JAZF1: variants seen among roughly 807,000 people sequenced by gnomAD.
JAZF1 encodes juxtaposed with another zinc finger protein 1.
A neutral mutation model predicts 26.4 loss-of-function variants in JAZF1; 8 were observed. The ratio of observed to expected loss-of-function variants is 0.30; its 90% CI spans 0.18 to 0.55. JAZF1 has a LOEUF of 0.55. Among genes scored for constraint, JAZF1 ranks in the 20% least tolerant of loss-of-function variants. The probability of loss-of-function intolerance (pLI) is 0.94; values close to 1 mark genes in which losing one functional copy is unlikely to be tolerated. For missense variants in JAZF1, 199 were observed against 322.0 expected (o/e 0.62, Z 2.92); for synonymous variants, 126 against 122.3 (o/e 1.03, Z -0.20).
chr7:28,085,915 C>T (rs1784205759), intron 1 of JAZF1, among the ~76,000 whole-genome samples: 2 of 152,336 alleles, frequency 1.3e-5, no homozygotes, highest in South Asian at 4.1e-4. Context: ...AGTTTTTGCA[C>T]ATCTGCAAAG....
At chr7:27,853,842 T>C (rs1583431405) in intron 3 of JAZF1, among the ~76,000 whole-genome samples, 1 of 152,214 alleles carries the variant, frequency 6.6e-6, no homozygotes, top group African/African-American at 2.4e-5. Flanking sequence ...GAGAAGAATG[T>C]ATATTCTGTT....
chr7:28,080,500 T>C (rs1257353813), intron 1 of JAZF1, among the ~76,000 whole-genome samples: 2 of 152,266 alleles, frequency 1.3e-5, no homozygotes, highest in South Asian at 2.1e-4. Context: ...TTTCAGCCTG[T>C]GTTGGCTTTC....
intron 1 of JAZF1, among the ~76,000 whole-genome samples, chr7:27,994,551 G>C (rs1347269549): frequency 6.6e-6 from 1 of 151,852 alleles, no homozygotes; most frequent in African/African-American, 2.4e-5. Context: ...TAACCAACAA[G>C]ACAGCAGAAC....
At chr7:28,153,580 G>C (rs1290616427) in intron 1 of JAZF1, among the ~76,000 whole-genome samples, 1 of 152,096 alleles carries the variant, frequency 6.6e-6, no homozygotes, top group Non-Finnish European at 1.5e-5. Context: ...CATTCTAACT[G>C]TCTCACTCTC....
At chr7:28,051,225 T>C (rs1783611128) in intron 1 of JAZF1, among the ~76,000 whole-genome samples, 1 of 152,014 alleles carries the variant, frequency 6.6e-6, no homozygotes, top group Non-Finnish European at 1.5e-5. Context: ...TATAATTTTT[T>C]ATTTTTATTT....
At chr7:28,027,512 T>C (rs1436407978) in intron 1 of JAZF1, among the ~76,000 whole-genome samples, 10 of 152,170 alleles carry the variant, frequency 6.6e-5, no homozygotes, top group Admixed American at 4.6e-4. Flanking sequence ...TACTGCCCCA[T>C]GAAATGCAAA....
intron 1 of JAZF1, among the ~76,000 whole-genome samples, chr7:28,179,998 C>T (rs1387164808): frequency 7.1e-6 from 1 of 141,178 alleles, no homozygotes; most frequent in Non-Finnish European, 1.6e-5. Flanking sequence ...CGGCGGCGTG[C>T]AGCGCCCGCC....
intron 3 of JAZF1, among the ~76,000 whole-genome samples, chr7:27,864,346 GA>G (rs765014427): frequency 1.3e-5 from 2 of 152,208 alleles, no homozygotes; most frequent in East Asian, 3.9e-4. Flanking sequence ...CACATTCTCA[GA>G]AAAAGATGAA....
chr7:27,974,426 C>T (rs73301337), intron 2 of JAZF1, among the ~76,000 whole-genome samples: 9,966 of 150,288 alleles, frequency 0.066, 417 homozygotes, highest in African/African-American at 0.12. Context: ...CATCTGCTGA[C>T]GAGGGGATGG....
chr7:27,859,833 C>T (rs553332149), intron 3 of JAZF1, among the ~76,000 whole-genome samples: 7 of 152,212 alleles, frequency 4.6e-5, no homozygotes, highest in Admixed American at 1.3e-4. Context: ...CAAACCTGCA[C>T]GTTCTGCACA....
intron 3 of JAZF1, among the ~76,000 whole-genome samples, chr7:27,886,364 A>C (rs1783862441): frequency 6.6e-6 from 1 of 152,186 alleles, no homozygotes; most frequent in Admixed American, 6.5e-5. Context: ...AGAAAACTCT[A>C]GATTTGCATA....
At chr7:28,022,870 T>C (rs3886552) in intron 1 of JAZF1, among the ~76,000 whole-genome samples, 137,051 of 152,228 alleles carry the variant, frequency 0.9, 62,394 homozygotes, top group African/African-American at 0.98. Context: ...GATTCTCGTG[T>C]CTCAGCCTCC....
chr7:28,117,252 T>A (rs763638511), intron 1 of JAZF1, among the ~76,000 whole-genome samples: 22 of 152,240 alleles, frequency 1.4e-4, no homozygotes, highest in Non-Finnish European at 2.1e-4. Context: ...TCATTTTTTT[T>A]AATGGCTGCT....
At chr7:28,149,157 T>C (rs1172218290) in intron 1 of JAZF1, among the ~76,000 whole-genome samples, 1 of 152,170 alleles carries the variant, frequency 6.6e-6, no homozygotes, top group Non-Finnish European at 1.5e-5. Context: ...CATTCACACA[T>C]AGGCTGGGCT....
At chr7:28,013,376 A>T (rs977473231) in intron 1 of JAZF1, among the ~76,000 whole-genome samples, 9 of 152,196 alleles carry the variant, frequency 5.9e-5, no homozygotes, top group African/African-American at 2.2e-4. Context: ...AGTGGGAGGA[A>T]AAAATAGGAG....
intron 1 of JAZF1, among the ~76,000 whole-genome samples, chr7:28,136,706 GGA>G (rs1216842134): frequency 6.6e-6 from 1 of 152,206 alleles, no homozygotes; most frequent in East Asian, 1.9e-4. Context: ...GTCTAGTTAG[GGA>G]GAGAGACAGG....
intron 3 of JAZF1, among the ~76,000 whole-genome samples, chr7:27,877,724 C>T (rs925850009): frequency 3.9e-5 from 6 of 152,208 alleles, no homozygotes; most frequent in South Asian, 4.1e-4. Flanking sequence ...ACCAGCCCTG[C>T]GCAGTGGCTT....
intron 1 of JAZF1, among the ~76,000 whole-genome samples, chr7:28,121,884 A>G (rs1782610151): frequency 1.3e-5 from 2 of 152,248 alleles, no homozygotes; most frequent in African/African-American, 4.8e-5. Context: ...CTTTTGGTTT[A>G]GCCGAATCCC....
intron 1 of JAZF1, among the ~76,000 whole-genome samples, chr7:28,119,245 T>C (rs1280362725): frequency 6.6e-6 from 1 of 152,134 alleles, no homozygotes; most frequent in Non-Finnish European, 1.5e-5. Context: ...AATTTCAACC[T>C]TTTTTCGGCT....
Sources: allele counts gnomAD v4.1 joint callset (sites outside exome capture counted in the v4.1 genomes callset), GRCh38; gene constraint gnomAD v4.1.1; transcripts MANE v1.5; gene names NCBI Gene and HGNC (gene_info 2026-07-23, HGNC 2026-07-21).